The following KSR2 variants were observed in gnomAD, a reference collection of about 807,000 sequenced individuals.
KSR2 encodes kinase suppressor of ras 2.
A neutral mutation model predicts 107.8 loss-of-function variants in KSR2; 25 were observed. That is an observed-to-expected ratio of 0.23 (90% CI 0.17 to 0.32). KSR2 has a LOEUF of 0.32. Ranked by LOEUF, KSR2 falls within the 10% of genes least tolerant of loss-of-function variation. The pLI is 1.00. For missense variants in KSR2, 887 were observed against 1,268.9 expected (o/e 0.70, Z 4.57); for synonymous variants, 480 against 507.0 (o/e 0.95, Z 0.71).
intron 10 of KSR2, 135 bp downstream of exon 10, chr12:117,539,584 C>T: frequency 2.6e-6 from 2 of 770,894 alleles, no homozygotes; most frequent in Non-Finnish European, 4.0e-6. Flanking sequence ...TACTTCCTTG[C>T]CCCTCTCTGG....
intron 12 of KSR2, among the ~76,000 whole-genome samples, chr12:117,527,585 G>T (rs552305994): frequency 3.6e-4 from 55 of 152,310 alleles, no homozygotes; most frequent in African/African-American, 1.3e-3. Context: ...AAGGATCTCA[G>T]TGTTCTTGTT....
At chr12:117,790,565 A>G (rs149210003) in intron 3 of KSR2, among the ~76,000 whole-genome samples, 151 of 152,348 alleles carry the variant, frequency 9.9e-4, no homozygotes, top group Middle Eastern at 6.8e-3. Context: ...TGCCAGGGTG[A>G]AATTCAACAG....
intron 6 of KSR2, among the ~76,000 whole-genome samples, chr12:117,580,860 T>C (rs1267844988): frequency 5.3e-5 from 8 of 151,306 alleles, no homozygotes; most frequent in Non-Finnish European, 7.4e-5. Flanking sequence ...GACCCAGGGG[T>C]GTGGCCGAGC....
At chr12:117,522,231 C>T (rs1373476428) in intron 14 of KSR2, among the ~76,000 whole-genome samples, 1 of 152,094 alleles carries the variant, frequency 6.6e-6, no homozygotes, top group African/African-American at 2.4e-5. Flanking sequence ...ACTCGTTTTT[C>T]AAGGATGGCT....
At chr12:117,879,470 G>T (rs1219805147) in intron 1 of KSR2, among the ~76,000 whole-genome samples, 1 of 152,350 alleles carries the variant, frequency 6.6e-6, no homozygotes, top group Non-Finnish European at 1.5e-5. Flanking sequence ...TAGTTGAGAA[G>T]GCTTGTCTGT....
At chr12:117,806,868 C>A (rs1214015719) in intron 3 of KSR2, among the ~76,000 whole-genome samples, 1 of 152,242 alleles carries the variant, frequency 6.6e-6, no homozygotes. Context: ...CATTGAGACA[C>A]TAGTGCTCGG....
chr12:117,540,604 A>T (rs1876413674), intron 9 of KSR2, among the ~76,000 whole-genome samples: 1 of 152,232 alleles, frequency 6.6e-6, no homozygotes, highest in African/African-American at 2.4e-5. Flanking sequence ...AAATATCCTA[A>T]ATCCAATGAC....
Position 117,946,371 on chromosome 12 carries a change from A to G in KSR2, c.180+21705T>C, listed in dbSNP as rs552943291. On this transcript the variant is annotated intron_variant, in intron 1 of 19. Transcript: ENST00000339824. ...GGAAAAAAGAGAGAAAAAAACACAC[A>G]TTACCAACATCAAGAACGAAAAGAG... 5.9e-5 allele frequency among the ~76,000 whole-genome samples: 9 copies of G among 152,294 alleles called. No homozygotes were observed. In the East Asian group the frequency reaches 1.7e-3, roughly 29 times the overall value.
intron 3 of KSR2, among the ~76,000 whole-genome samples, chr12:117,817,382 C>T (rs58763868): frequency 0.062 from 9,371 of 151,994 alleles, 672 homozygotes; most frequent in African/African-American, 0.18. Flanking sequence ...AACCGCCCCC[C>T]ACCCACACCG....
chr12:117,945,359 G>A (rs1223942074), intron 1 of KSR2, among the ~76,000 whole-genome samples: 1 of 152,126 alleles, frequency 6.6e-6, no homozygotes, highest in East Asian at 1.9e-4. Flanking sequence ...GAAACCATAA[G>A]AAATGTGTTC....
chr12:117,901,941 G>A (rs979877394), intron 1 of KSR2, among the ~76,000 whole-genome samples: 19 of 152,072 alleles, frequency 1.2e-4, no homozygotes, highest in African/African-American at 4.6e-4. Context: ...ATACAGATGG[G>A]CAAATATTTT....
At chr12:117,498,532 C>T (rs1197205703) in intron 14 of KSR2, among the ~76,000 whole-genome samples, 1 of 152,134 alleles carries the variant, frequency 6.6e-6, no homozygotes, top group Non-Finnish European at 1.5e-5. Flanking sequence ...TGAATGACTC[C>T]TATCCTTTGT....
intron 3 of KSR2, among the ~76,000 whole-genome samples, chr12:117,819,905 T>C (rs1891503559): frequency 1.3e-5 from 2 of 152,210 alleles, no homozygotes; most frequent in Admixed American, 1.3e-4. Flanking sequence ...TTGATACCAT[T>C]TCTGCTTTGT....
chr12:117,737,319 G>A (rs534389777), intron 4 of KSR2, among the ~76,000 whole-genome samples: 3 of 152,238 alleles, frequency 2.0e-5, no homozygotes, highest in African/African-American at 7.2e-5. Flanking sequence ...GCCTCAAAGA[G>A]TATGTTTATG....
intron 3 of KSR2, among the ~76,000 whole-genome samples, chr12:117,793,936 CACAT>C (rs1890435729): frequency 1.5e-5 from 2 of 134,912 alleles, no homozygotes; most frequent in African/African-American, 2.9e-5. Flanking sequence ...ACACCATGCA[CACAT>C]ACACCAACAT....
intron 5 of KSR2, among the ~76,000 whole-genome samples, chr12:117,584,650 A>G (rs1476882746): frequency 1.3e-5 from 2 of 152,238 alleles, no homozygotes; most frequent in Non-Finnish European, 2.9e-5. Flanking sequence ...CAGGAACCAC[A>G]TCTCATCTTT....
chr12:117,754,253 C>T (rs11609899), intron 4 of KSR2, among the ~76,000 whole-genome samples: 18,844 of 151,996 alleles, frequency 0.12, 1,195 homozygotes, highest in Non-Finnish European at 0.14. Flanking sequence ...ACGTGAGATA[C>T]TACTGGGGAC....
chr12:117,507,274 G>C (rs1873756800), intron 14 of KSR2, among the ~76,000 whole-genome samples: 1 of 152,150 alleles, frequency 6.6e-6, no homozygotes, highest in African/African-American at 2.4e-5. Context: ...TGGCAAACTA[G>C]GTCTTCTAAC....
chr12:117,639,658 A>ATTATTATTATTATTATAT (rs139711049), intron 5 of KSR2, among the ~76,000 whole-genome samples: 1 of 102,858 alleles, frequency 9.7e-6, no homozygotes, highest in African/African-American at 3.2e-5. Context: ...TATTATTATT[A>ATTATTATTATTATTATAT]TATTATTTTA....
Sources: gnomAD v4.1 joint callset for allele counts (sites outside exome capture counted in the v4.1 genomes callset) on GRCh38, gnomAD v4.1.1 for gene constraint, MANE v1.5 for transcripts, NCBI Gene and HGNC (gene_info 2026-07-23, HGNC 2026-07-21) for gene names.